ENTPD1: variants seen among roughly 807,000 people sequenced by gnomAD.
The protein encoded by ENTPD1 is ATP diphosphohydrolase.
ENTPD1 carries 33 observed loss-of-function variants against 57.0 expected under a neutral mutation model. The observed-to-expected ratio is 0.58, with a 90% CI of 0.44 to 0.77. ENTPD1 has a LOEUF of 0.77. Ranked by LOEUF, ENTPD1 falls within the 30% of genes least tolerant of loss-of-function variation. The pLI is 0.00. For synonymous variants in ENTPD1, 202 were observed against 218.8 expected (o/e 0.92, Z 0.68); for missense variants, 501 against 603.4 (o/e 0.83, Z 1.78).
intron 3 of ENTPD1, among the ~76,000 whole-genome samples, chr10:95,840,192 A>G (rs2098419617): frequency 6.6e-6 from 1 of 152,198 alleles, no homozygotes; most frequent in Admixed American, 6.5e-5. Flanking sequence ...CTTGTTTGTT[A>G]CTCAAGCTAG....
At chr10:95,824,836 A>AG (rs2140578546) in intron 2 of ENTPD1, among the ~76,000 whole-genome samples, 1 of 152,354 alleles carries the variant, frequency 6.6e-6, no homozygotes, top group East Asian at 1.9e-4. Flanking sequence ...AAATGGAACA[A>AG]GGTCTTTGGC....
At chr10:95,717,770 G>A (rs937527745) in intron 1 of ENTPD1, among the ~76,000 whole-genome samples, 6 of 152,156 alleles carry the variant, frequency 3.9e-5, no homozygotes, top group Admixed American at 3.3e-4. Flanking sequence ...CTGAATTGGG[G>A]CATGATAGGG....
chr10:95,832,634 A>G (rs1181899989), intron 2 of ENTPD1, among the ~76,000 whole-genome samples: 1 of 152,192 alleles, frequency 6.6e-6, no homozygotes, highest in African/African-American at 2.4e-5. Flanking sequence ...AGACTGACCC[A>G]ATGCCAAACA....
chr10:95,783,418 G>C (rs1264211109), intron 1 of ENTPD1, among the ~76,000 whole-genome samples: 1 of 152,070 alleles, frequency 6.6e-6, no homozygotes, highest in African/African-American at 2.4e-5. Context: ...ACATCAAGGG[G>C]GCATTTCAAA....
At chr10:95,772,539 A>G (rs1156646339) in intron 1 of ENTPD1, among the ~76,000 whole-genome samples, 2 of 152,200 alleles carry the variant, frequency 1.3e-5, no homozygotes, top group Non-Finnish European at 2.9e-5. Context: ...AAGTTTCATC[A>G]TGAGATTGCA....
intron 1 of ENTPD1, among the ~76,000 whole-genome samples, chr10:95,775,164 C>T (rs539392598): frequency 1.1e-4 from 17 of 152,182 alleles, no homozygotes; most frequent in African/African-American, 2.6e-4. Flanking sequence ...TTGTGATTTT[C>T]GCATATTAAT....
At chr10:95,754,917 T>C (rs2098018555), upstream of ENTPD1, 1 of 152,258 alleles carries the variant, frequency 6.6e-6, no homozygotes, top group African/African-American at 2.4e-5. Context: ...TATTAAAGTA[T>C]GACTGAAAGC....
chr10:95,706,879 G>A (rs897139928), upstream of ENTPD1, among the ~76,000 whole-genome samples: 6 of 152,218 alleles, frequency 3.9e-5, no homozygotes, highest in South Asian at 4.2e-4. Context: ...TCTGCCTTCC[G>A]CCGCCATTCA....
chr10:95,867,713 C>G lies in ENTPD1; in HGVS notation c.*1330C>G. 1 of 985,432 alleles carries G rather than the reference C, an allele frequency of 1.0e-6. No homozygotes were observed. The highest frequency in any genetic ancestry group is 1.2e-6 in the Non-Finnish European group (1 of 829,956). The allele number at this position is 985,432 out of a possible 1,614,324, so 61.0% of individuals were successfully genotyped here. A position where few individuals can be genotyped will look rare whatever the true frequency, so the allele number is the denominator to read the frequency against. ...ATTGCTGCAAGAGTTACCTGTTGAG[C>G]AGGATTGACTGGTGATGTTTCATTC... On this transcript the variant is annotated 3_prime_UTR_variant, in exon 10 of 10. Transcript: ENST00000371205.
chr10:95,731,188 G>C (rs2097988676), intron 1 of ENTPD1, among the ~76,000 whole-genome samples: 1 of 152,218 alleles, frequency 6.6e-6, no homozygotes, highest in Non-Finnish European at 1.5e-5. Context: ...AGGCTAGTGT[G>C]CTGGATATTC....
At chr10:95,713,404 G>GT (rs2139810136) in intron 1 of ENTPD1, among the ~76,000 whole-genome samples, 1 of 152,202 alleles carries the variant, frequency 6.6e-6, no homozygotes, top group South Asian at 2.1e-4. Flanking sequence ...AATAAAGAAA[G>GT]ACACAATAGT....
At chr10:95,792,752 G>A (rs538128517) in intron 1 of ENTPD1, among the ~76,000 whole-genome samples, 3 of 152,164 alleles carry the variant, frequency 2.0e-5, no homozygotes, top group African/African-American at 7.2e-5. Flanking sequence ...CAGGGGTTTA[G>A]TCCAAAACAG....
rs147354736 is a variant in ENTPD1 at position 95,857,541 on chromosome 10, C to T, written c.1075-2928C>T. 4.5e-3 allele frequency among the ~76,000 whole-genome samples: 688 copies of T among 152,248 alleles called. 3 individuals carry two copies. Among genetic ancestry groups the T allele is most frequent in the Non-Finnish European group, 7.7e-3 (525 of 68,018 alleles). ...TAAAAGGTCTCTTCTCCCTCTCACC[C>T]CACCATCAGTTCACTAGAGGAAAAA... On this transcript the variant is annotated intron_variant, in intron 7 of 9. Transcript: ENST00000371205.
At chr10:95,697,541 G>A in the ENTPD1 span, among the ~76,000 whole-genome samples, 1 of 152,142 alleles carries the variant, frequency 6.6e-6, no homozygotes, top group Admixed American at 6.5e-5. Context: ...CTTCATGAAT[G>A]GACTAATCCA....
chr10:95,755,505 G>T, upstream of ENTPD1: 1 of 599,350 alleles, frequency 1.7e-6, no homozygotes, highest in South Asian at 2.1e-5. Context: ...GACTTCAAAG[G>T]TAGGAAGTCA....
In ENTPD1 at chr10:95,876,477, C is replaced by T; in HGVS notation, c.*10094C>T. 8.1e-7 allele frequency: 1 copy of T among 1,231,342 alleles called. No individual in the cohort carries two copies. The highest frequency in any genetic ancestry group is 3.2e-5 in the East Asian group (1 of 31,648). 76.3% of individuals were successfully genotyped at this position (1,231,342 alleles called of 1,614,324 possible). A position where few individuals can be genotyped will look rare whatever the true frequency, so the allele number is the denominator to read the frequency against. ...TGTAATCAATAGCTTAAAAATATGTCTCTCTGTCCTATTCTGTATCTGTAT... is the reference window on the plus strand; with the variant it reads ...TGTAATCAATAGCTTAAAAATATGTTTCTCTGTCCTATTCTGTATCTGTAT... On this transcript the variant is annotated 3_prime_UTR_variant, in exon 10 of 10. Coordinates refer to ENST00000371205, the MANE Select transcript of ENTPD1 (RefSeq NM_001776.6).
chr10:95,868,443 A>G lies in ENTPD1; in HGVS notation c.*2060A>G, dbSNP rs1270499728. 1 of 985,382 alleles carries G rather than the reference A, an allele frequency of 1.0e-6. No homozygotes were observed. Among genetic ancestry groups the G allele is most frequent in the Non-Finnish European group, 1.2e-6 (1 of 829,924 alleles). The allele number at this position is 985,382 out of a possible 1,614,324, so 61.0% of individuals were successfully genotyped here. A position where few individuals can be genotyped will look rare whatever the true frequency, so the allele number is the denominator to read the frequency against. The stretch of plus-strand genomic sequence containing the variant: ...TATGATGCTAATCAGTGGTTCCCAT[A>G]CCCCTGGCTTCCTAATTTTAATGTT... On this transcript the variant is annotated 3_prime_UTR_variant, in exon 10 of 10. Transcript: ENST00000371205.
intron 7 of ENTPD1, among the ~76,000 whole-genome samples, chr10:95,854,451 T>C (rs2098450904): frequency 6.6e-6 from 1 of 152,208 alleles, no homozygotes; most frequent in Admixed American, 6.5e-5. Context: ...GCTGTGATCT[T>C]AGTTATTTCT....
At chr10:95,861,501 G>A (rs990020287) in intron 8 of ENTPD1, 1 of 152,190 alleles carries the variant, frequency 6.6e-6, no homozygotes, top group Admixed American at 6.5e-5. Context: ...TGACTGCACT[G>A]ACAAGGGGGA....
Sources: allele counts gnomAD v4.1 joint callset (sites outside exome capture counted in the v4.1 genomes callset), GRCh38; gene constraint gnomAD v4.1.1; transcripts MANE v1.5; gene names NCBI Gene and HGNC (gene_info 2026-07-23, HGNC 2026-07-21).